The following PM20D1 variants were observed in gnomAD, a reference collection of about 807,000 sequenced individuals.
PM20D1 encodes the protein N-fatty-acyl-amino acid synthase/hydrolase PM20D1.
A neutral mutation model predicts 53.8 loss-of-function variants in PM20D1; 53 were observed. The observed-to-expected ratio is 0.98, with a 90% CI of 0.79 to 1.24. The LOEUF is 1.24. Ranked by LOEUF, PM20D1 falls within the 50% of genes most tolerant of loss-of-function variation. The pLI is 0.00. For synonymous variants in PM20D1, 239 were observed against 241.3 expected (o/e 0.99, Z 0.09); for missense variants, 564 against 616.8 (o/e 0.91, Z 0.91).
chr1:205,844,702 A>G (rs1656905130), intron 4 of PM20D1, 109 bp downstream of exon 4: 1 of 951,412 alleles, frequency 1.1e-6, no homozygotes, highest in Non-Finnish European at 1.6e-6. Context: ...TTGGCAAACT[A>G]CCGTATCATG....
chr1:205,830,205 G>A (rs1459265599), intron 12 of PM20D1, 75 bp downstream of exon 12: 1 of 1,150,588 alleles, frequency 8.7e-7, no homozygotes, highest in Non-Finnish European at 1.3e-6. Flanking sequence ...GGACTGCCAG[G>A]AGCATGGGGT....
chr1:205,841,322 A>G (rs1000652598), intron 9 of PM20D1, among the ~76,000 whole-genome samples: 2 of 152,132 alleles, frequency 1.3e-5, no homozygotes, highest in African/African-American at 4.8e-5. Flanking sequence ...GGCTGTTGCA[A>G]ATTAGCTGTT....
intron 10 of PM20D1, among the ~76,000 whole-genome samples, chr1:205,835,536 C>T (rs952995866): frequency 1.3e-5 from 2 of 150,386 alleles, no homozygotes; most frequent in Non-Finnish European, 2.9e-5. Flanking sequence ...CCTGGAGTCC[C>T]GGCTGCTCGG....
intron 10 of PM20D1, among the ~76,000 whole-genome samples, chr1:205,837,930 G>T (rs1350834297): frequency 1.3e-5 from 2 of 152,114 alleles, no homozygotes; most frequent in Non-Finnish European, 2.9e-5. Context: ...CCCAGGGAGA[G>T]GACAAAGGTT....
intron 5 of PM20D1, 144 bp downstream of exon 5, chr1:205,843,943 C>T: frequency 6.8e-7 from 1 of 1,471,514 alleles, no homozygotes; most frequent in African/African-American, 1.4e-5. Flanking sequence ...AAGGGGAAGC[C>T]TAGGAGAGGT....
At chr1:205,843,830 T>C (rs768720632) in intron 5 of PM20D1, 44 bp from the exon 6 acceptor site, 25 of 1,600,562 alleles carry the variant, frequency 1.6e-5, no homozygotes, top group Non-Finnish European at 2.1e-5. Flanking sequence ...TTCTTGCCTC[T>C]CTGAATTCTC....
chr1:205,845,813 G>A (rs1656943904), intron 2 of PM20D1, among the ~76,000 whole-genome samples: 1 of 151,974 alleles, frequency 6.6e-6, no homozygotes. Flanking sequence ...CCAGGCTTGG[G>A]GGCTCATGCC....
intron 12 of PM20D1, 71 bp downstream of exon 12, chr1:205,830,209 A>G (rs1238543631): frequency 1.7e-6 from 2 of 1,182,806 alleles, no homozygotes; most frequent in East Asian, 2.3e-5. Flanking sequence ...TGCCAGGAGC[A>G]TGGGGTAGGA....
At chr1:205,844,239 C>CTATA in intron 4 of PM20D1, 22 bp from the exon 5 acceptor site, 1 of 1,580,918 alleles carries the variant, frequency 6.3e-7, no homozygotes, top group South Asian at 1.1e-5. Flanking sequence ...GAACATAGAG[C>CTATA]TATAGTCCTT....
chr1:205,835,312 C>T (rs1460802309), intron 10 of PM20D1, among the ~76,000 whole-genome samples: 1 of 152,154 alleles, frequency 6.6e-6, no homozygotes, highest in Non-Finnish European at 1.5e-5. Context: ...AGTTGTATGA[C>T]CTTGGACAAG....
In PM20D1 at chr1:205,844,055, C is replaced by T. The variant is rs201147321; in HGVS notation, c.707+32G>A. ...TCATCTCAAATGGGGTGAGAATTCC[C>T]TCCAAGGTGTGGGGTGGGATGCTTT... On this transcript the variant is annotated intron_variant, in intron 5 of 12. Transcript: ENST00000367136. 2.0e-4 allele frequency: 315 copies of T among 1,585,830 alleles called. 1 individual carries two copies. The East Asian group carries it at 6.3e-3, about 32-fold the overall frequency.
At chr1:205,833,400 A>G (rs573021746) in intron 10 of PM20D1, among the ~76,000 whole-genome samples, 46 of 152,342 alleles carry the variant, frequency 3.0e-4, no homozygotes, top group Non-Finnish European at 6.2e-4. Context: ...TCAGACAGGT[A>G]ATAAAAGGGT....
Position 205,847,968 on chromosome 1 carries a change from G to A in PM20D1, c.173C>T (p.Ala58Val), listed in dbSNP as rs1466446306. The change falls in exon 2 of 13, where the codon GCC (alanine) becomes GTC (valine). Residue 58 changes from alanine to valine, a missense_variant. Ala to Val is a moderately conservative substitution (Grantham distance 64). Coordinates refer to ENST00000367136, the MANE Select transcript of PM20D1 (RefSeq NM_152491.5). ...RVAMKEALKG[A>V]IQIPTVTFSS... The stretch of plus-strand genomic sequence containing the variant: ...AAAAGTCACTGTTGGAATCTGGATG[G>A]CACCTGTCAGAGTCAAATAGAGATG... The A allele has an allele frequency of 1.2e-6, 2 of 1,604,060 alleles. No homozygotes were observed. Among genetic ancestry groups the A allele is most frequent in the Admixed American group, 1.7e-5 (1 of 59,070 alleles).
chr1:205,850,129 G>T lies in PM20D1; in HGVS notation c.-57C>A. On this transcript the variant is annotated 5_prime_UTR_variant, in exon 1 of 13. The change creates a new upstream start codon in the 5' untranslated region. Transcript: ENST00000367136. The stretch of plus-strand genomic sequence containing the variant: ...GGGGTAGTTCTGACCTAAACGCCCA[G>T]ACTAGCGTTTCTTGGCCCTAGCTCT... The T allele has an allele frequency of 6.4e-7, 1 of 1,554,156 alleles. No homozygotes were observed. Among genetic ancestry groups the T allele is most frequent in the Non-Finnish European group, 8.7e-7 (1 of 1,144,740 alleles).
At chr1:205,832,878 G>T in intron 10 of PM20D1, 112 bp from the exon 11 acceptor site, 1 of 1,245,200 alleles carries the variant, frequency 8.0e-7, no homozygotes, top group Non-Finnish European at 1.1e-6. Flanking sequence ...AGGGTTTACA[G>T]ACAGGACTTA....
chr1:205,843,811 T>TC (rs1656875484), intron 5 of PM20D1, 25 bp from the exon 6 acceptor site: 2 of 1,608,376 alleles, frequency 1.2e-6, no homozygotes, highest in Admixed American at 3.4e-5. Context: ...CGGAAACCAC[T>TC]CTCCTGACTT....
intron 6 of PM20D1, among the ~76,000 whole-genome samples, chr1:205,843,181 A>G (rs1656856288): frequency 6.6e-6 from 1 of 152,202 alleles, no homozygotes; most frequent in Non-Finnish European, 1.5e-5. Flanking sequence ...TCCTCCTGCC[A>G]GGACAGGTGG....
intron 2 of PM20D1, among the ~76,000 whole-genome samples, chr1:205,845,886 C>T (rs1369429001): frequency 2.0e-5 from 3 of 151,684 alleles, no homozygotes; most frequent in African/African-American, 4.9e-5. Flanking sequence ...AGTTCCAGAC[C>T]GGCCTGGCCA....
chr1:205,848,604 C>T (rs1571683774), intron 1 of PM20D1, among the ~76,000 whole-genome samples: 1 of 152,318 alleles, frequency 6.6e-6, no homozygotes. Context: ...TCACTGGGCT[C>T]ATCCCTTTGA....
Sources: gnomAD v4.1 joint callset for allele counts (sites outside exome capture counted in the v4.1 genomes callset) on GRCh38, gnomAD v4.1.1 for gene constraint, MANE v1.5 for transcripts, NCBI Gene and HGNC (gene_info 2026-07-23, HGNC 2026-07-21) for gene names.